SCNN1B: variants seen among roughly 807,000 people sequenced by gnomAD.
SCNN1B encodes epithelial sodium channel subunit beta.
In SCNN1B, 46 loss-of-function variants were observed where a neutral mutation model predicts 65.3. The observed-to-expected ratio is 0.70, with a 90% CI of 0.56 to 0.90. The LOEUF (loss-of-function observed/expected upper bound fraction) is 0.90. Among genes scored for constraint, SCNN1B ranks in the 40% least tolerant of loss-of-function variants. The probability of loss-of-function intolerance (pLI) is 0.00; values close to 1 mark genes in which losing one functional copy is unlikely to be tolerated. For missense variants in SCNN1B, 751 were observed against 830.5 expected (o/e 0.90, Z 1.18); for synonymous variants, 349 against 330.6 (o/e 1.06, Z -0.60).
chr16:23,365,618 A>AGAGAGAGAG (rs1567313760), intron 4 of SCNN1B, among the ~76,000 whole-genome samples: 895 of 64,606 alleles, frequency 0.014, 19 homozygotes, highest in South Asian at 0.049. Flanking sequence ...AGAAAGAAAG[A>AGAGAGAGAG]AAAAAGAAAG....
At chr16:23,331,406 C>A (rs1248776639) in intron 1 of SCNN1B, among the ~76,000 whole-genome samples, 2 of 151,284 alleles carry the variant, frequency 1.3e-5, no homozygotes, top group East Asian at 2.0e-4. Context: ...CTCACTACAA[C>A]CTCTGCCTCC....
chr16:23,302,009 G>A (rs1265430621), upstream of SCNN1B, among the ~76,000 whole-genome samples: 1 of 152,142 alleles, frequency 6.6e-6, no homozygotes, highest in African/African-American at 2.4e-5. Flanking sequence ...TATGTGGCTT[G>A]TGATATGTAC....
In SCNN1B at chr16:23,367,849, C is replaced by CT; in HGVS notation, c.777-3dup. 6.2e-7 allele frequency: 1 copy of CT among 1,609,924 alleles called. No homozygotes were observed. Among genetic ancestry groups the CT allele is most frequent in the Non-Finnish European group, 8.5e-7 (1 of 1,176,106 alleles). On this transcript the variant is annotated splice_region_variant and splice_polypyrimidine_tract_variant and intron_variant, in intron 4 of 12. Transcript: ENST00000343070. Reference sequence around the variant, plus strand: ...ACCTGCCCTGCAGCTGATGCTGTTTCTTTTAGGAACTTCACGTCCATCTTC... The same window carrying CT: ...ACCTGCCCTGCAGCTGATGCTGTTTCTTTTTAGGAACTTCACGTCCATCTTC...
intron 2 of SCNN1B, among the ~76,000 whole-genome samples, chr16:23,289,370 T>C (rs1960892159): frequency 6.6e-6 from 1 of 152,128 alleles, no homozygotes; most frequent in African/African-American, 2.4e-5. Flanking sequence ...GCCTGGGCAA[T>C]GTAGCAAGAT....
chr16:23,361,946 C>A (rs1021653406), intron 4 of SCNN1B, among the ~76,000 whole-genome samples: 1 of 152,058 alleles, frequency 6.6e-6, no homozygotes, highest in Non-Finnish European at 1.5e-5. Context: ...ACTCCTGGCT[C>A]AAGCAATCTT....
intron 5 of SCNN1B, among the ~76,000 whole-genome samples, chr16:23,370,899 G>A (rs1392560949): frequency 2.0e-5 from 3 of 152,240 alleles, no homozygotes; most frequent in African/African-American, 7.2e-5. Context: ...GCATTCCAGA[G>A]TGAGGGAACA....
intron 2 of SCNN1B, among the ~76,000 whole-genome samples, chr16:23,288,808 G>C (rs1252119869): frequency 6.6e-6 from 1 of 152,036 alleles, no homozygotes. Context: ...ATGTCTGCTA[G>C]GACTTGGGTC....
intron 8 of SCNN1B, among the ~76,000 whole-genome samples, chr16:23,376,493 A>C (rs1212299536): frequency 6.6e-6 from 1 of 152,108 alleles, no homozygotes; most frequent in Non-Finnish European, 1.5e-5. Context: ...GGAAGCCATT[A>C]GCATGATGGT....
intron 4 of SCNN1B, among the ~76,000 whole-genome samples, chr16:23,362,914 G>T (rs1962581491): frequency 6.6e-6 from 1 of 152,164 alleles, no homozygotes; most frequent in East Asian, 1.9e-4. Context: ...AGACTCCATG[G>T]TGCCCGCCCA....
intron 1 of SCNN1B, among the ~76,000 whole-genome samples, chr16:23,343,931 T>C (rs1366483770): frequency 1.3e-5 from 2 of 152,128 alleles, no homozygotes; most frequent in East Asian, 3.9e-4. Context: ...ACCGTGGGGG[T>C]GAAATCTGAC....
intron 1 of SCNN1B, among the ~76,000 whole-genome samples, chr16:23,313,115 G>GT (rs138934718): frequency 0.035 from 5,370 of 152,246 alleles, 295 homozygotes; most frequent in African/African-American, 0.12. Flanking sequence ...CAAATTCCCA[G>GT]TAGATGCTCA....
At chr16:23,284,352 C>T (rs928073739) in intron 2 of SCNN1B, among the ~76,000 whole-genome samples, 9 of 151,964 alleles carry the variant, frequency 5.9e-5, no homozygotes, top group Non-Finnish European at 8.8e-5. Flanking sequence ...TTGCAGTGAG[C>T]GGAGACAGTG....
chr16:23,286,327 G>A lies in SCNN1B; in HGVS notation n.178+2523G>A, dbSNP rs542408502. ...CAAGGTGAAAGGTTCAAGGGAGGCTGGATATTTAACCTCCGCCTCCTGGGT... is the reference window on the plus strand; with the variant it reads ...CAAGGTGAAAGGTTCAAGGGAGGCTAGATATTTAACCTCCGCCTCCTGGGT... On this transcript the variant is annotated intron_variant and non_coding_transcript_variant, in intron 2 of 3. Transcript: ENST00000569789. Among the ~76,000 whole-genome samples, 33 of 152,336 alleles carry A rather than the reference G, an allele frequency of 2.2e-4. 1 individual carries two copies. The South Asian group carries it at 6.2e-3, about 29-fold the overall frequency.
In SCNN1B at chr16:23,380,702, G is replaced by T; in HGVS notation, c.1824G>T (p.Gln608His). The T allele has an allele frequency of 6.2e-7, 1 of 1,612,508 alleles. No homozygotes were observed. The highest frequency in any genetic ancestry group is 8.5e-7 in the Non-Finnish European group (1 of 1,179,666). Residue 608 changes from glutamine to histidine, a missense_variant, in exon 13 of 13, where the codon CAG (glutamine) becomes CAT (histidine). Coordinates refer to ENST00000343070, the MANE Select transcript of SCNN1B (RefSeq NM_000336.3). This position sits in a 1 kb window ranked among gnomAD's most constrained non-coding sequence, Gnocchi z 5.4. ...ACACTGGGCCCTACCCCAGTGAGCA[G>T]GCCCTGCCCATCCCAGGCACCCCGC... Reference protein sequence around the residue: ...SPNTGPYPSEQALPIPGTPPP... With the variant: ...SPNTGPYPSEHALPIPGTPPP...
chr16:23,305,581 A>ATAT (rs1961198328), intron 1 of SCNN1B, among the ~76,000 whole-genome samples: 7 of 33,404 alleles, frequency 2.1e-4, no homozygotes, highest in African/African-American at 1.2e-3. Flanking sequence ...TATATATTAT[A>ATAT]TATATATATA....
At chr16:23,376,012 C>T (rs1962887309) in intron 8 of SCNN1B, among the ~76,000 whole-genome samples, 157 bp downstream of exon 8, 2 of 152,236 alleles carry the variant, frequency 1.3e-5, no homozygotes, top group Non-Finnish European at 1.5e-5. Context: ...GATCCCCTCC[C>T]AGGCCTCCTT....
chr16:23,331,325 C>CA (rs1359273494), intron 1 of SCNN1B, among the ~76,000 whole-genome samples: 1 of 138,178 alleles, frequency 7.2e-6, no homozygotes, highest in Non-Finnish European at 1.6e-5. Flanking sequence ...TTCCTAGTCA[C>CA]TTTTTTTTTT....
At chr16:23,335,283 G>A (rs1007275607) in intron 1 of SCNN1B, among the ~76,000 whole-genome samples, 9 of 152,088 alleles carry the variant, frequency 5.9e-5, no homozygotes, top group African/African-American at 1.9e-4. Flanking sequence ...CCTTTCTTGA[G>A]GGCAACTCAT....
intron 4 of SCNN1B, among the ~76,000 whole-genome samples, chr16:23,360,316 G>A (rs35048473): frequency 0.031 from 4,681 of 152,050 alleles, 93 homozygotes; most frequent in Middle Eastern, 0.054. Context: ...AGGGAGAATC[G>A]CTTGAGGCCA....
Sources: allele counts gnomAD v4.1 joint callset (sites outside exome capture counted in the v4.1 genomes callset), GRCh38; gene constraint gnomAD v4.1.1; non-coding constraint Gnocchi (gnomAD v3.1); transcripts MANE v1.5; gene names NCBI Gene and HGNC (gene_info 2026-07-23, HGNC 2026-07-21).